Variants in WWC2 observed in about 807,000 individuals in gnomAD.
WWC2 encodes protein WWC2.
A neutral mutation model predicts 138.5 loss-of-function variants in WWC2; 101 were observed. The observed-to-expected ratio is 0.73, with a 90% confidence interval of 0.62 to 0.86. The LOEUF (loss-of-function observed/expected upper bound fraction) is 0.86, where lower values mean the gene tolerates loss of function less well. Among genes scored for constraint, WWC2 ranks in the 40% least tolerant of loss-of-function variants. The pLI, the probability that WWC2 is intolerant of heterozygous loss-of-function variation, is 0.00. For synonymous variants in WWC2, 558 were observed against 538.4 expected, an observed-to-expected ratio of 1.04 and a Z score of -0.50; for missense variants, 1,420 against 1,419.4, an observed-to-expected ratio of 1.00 and a Z score of -0.01.
At chr4:183,100,890 T>A (rs965493260) in intron 1 of WWC2, among the ~76,000 whole-genome samples, 2 of 152,256 alleles carry the variant, frequency 1.3e-5, no homozygotes, top group African/African-American at 4.8e-5. Context: ...CCTGGCTGCC[T>A]GTTGCTGGCC....
chr4:183,285,850 A>AG (rs1224435564), intron 19 of WWC2, 117 bp from the exon 20 acceptor site: 6 of 895,970 alleles, frequency 6.7e-6, no homozygotes, highest in Non-Finnish European at 1.0e-5. Context: ...ATTTTCTTAA[A>AG]GAAATAAACT....
chr4:183,193,505 A>G (rs932618581), intron 1 of WWC2, 94 bp from the exon 2 acceptor site: 5 of 1,052,552 alleles, frequency 4.8e-6, no homozygotes, highest in African/African-American at 1.6e-5. Context: ...AAGATTTTAA[A>G]TGCAACCTAG....
chr4:183,281,678 A>T (rs1247291455), intron 17 of WWC2, among the ~76,000 whole-genome samples: 1 of 152,202 alleles, frequency 6.6e-6, no homozygotes, highest in African/African-American at 2.4e-5. Context: ...ATCATAAATA[A>T]CGCAGTCATG....
chr4:183,215,209 G>A (rs376657686), intron 4 of WWC2, among the ~76,000 whole-genome samples: 3 of 152,140 alleles, frequency 2.0e-5, no homozygotes, highest in Admixed American at 1.3e-4. Flanking sequence ...AACAGTCATC[G>A]CATTATACTT....
At chr4:183,265,842 T>G (rs375449738) in intron 13 of WWC2, 23 bp from the exon 14 acceptor site, 1 of 1,611,160 alleles carries the variant, frequency 6.2e-7, no homozygotes, top group Non-Finnish European at 8.5e-7. Flanking sequence ...ATTCCTGACT[T>G]CATTTAGCCT....
chr4:183,315,537 G>A, intron 22 of WWC2, 126 bp from the exon 23 acceptor site: 1 of 633,116 alleles, frequency 1.6e-6, no homozygotes, highest in South Asian at 2.4e-5. Context: ...TCTGCGTAAG[G>A]AAAAGAGCTT....
At chr4:183,161,449 G>A (rs139654226) in intron 1 of WWC2, among the ~76,000 whole-genome samples, 57 of 152,214 alleles carry the variant, frequency 3.7e-4, no homozygotes, top group African/African-American at 1.3e-3. Context: ...GCATCATAGC[G>A]GGAAGTAACA....
At position 183,147,293 on chromosome 4, in the gene WWC2, G is replaced by A. The variant is rs144209124; in HGVS notation, c.132-46306G>A. ...TCATACTATCTCTATTTTCTATGAG[G>A]CTGTGGCGGCTCAGAGAAGCTAAGT... On this transcript the variant is annotated intron_variant, in intron 1 of 22. Transcript: ENST00000403733. 7.7e-3 allele frequency among the ~76,000 whole-genome samples: 1,170 copies of A among 152,292 alleles called. 6 individuals are homozygous for A. The highest frequency in any genetic ancestry group is 0.012 in the Non-Finnish European group (836 of 68,014).
At chr4:183,281,559 CTGTTA>C (rs1738076257) in intron 17 of WWC2, among the ~76,000 whole-genome samples, 2 of 151,936 alleles carry the variant, frequency 1.3e-5, no homozygotes, top group South Asian at 4.1e-4. Context: ...GTTGTTTATA[CTGTTA>C]TGTTTGGTTG....
At chr4:183,134,349 G>A (rs890039268) in intron 1 of WWC2, among the ~76,000 whole-genome samples, 19 of 151,764 alleles carry the variant, frequency 1.3e-4, no homozygotes, top group Middle Eastern at 6.8e-3. Context: ...TCTTAAAAGG[G>A]ATGCTTAGCA....
intron 4 of WWC2, among the ~76,000 whole-genome samples, chr4:183,230,643 C>T (rs1736216484): frequency 6.6e-6 from 1 of 151,852 alleles, no homozygotes; most frequent in African/African-American, 2.4e-5. Context: ...TGTCATTGCA[C>T]CCAGCCTGGG....
chr4:183,230,494 T>C (rs1736210634), intron 4 of WWC2, among the ~76,000 whole-genome samples: 1 of 152,178 alleles, frequency 6.6e-6, no homozygotes, highest in South Asian at 2.1e-4. Flanking sequence ...CTGACCAATA[T>C]GGTGAAACCC....
chr4:183,271,046 A>AT (rs534749859), intron 15 of WWC2, 34 bp from the exon 16 acceptor site: 1,431 of 1,373,496 alleles, frequency 1.0e-3, no homozygotes, highest in South Asian at 2.8e-3. Context: ...TCTCTTCCTT[A>AT]TTTTTTTTTC....
chr4:183,112,233 G>A (rs1455078807), intron 1 of WWC2, among the ~76,000 whole-genome samples: 4 of 152,200 alleles, frequency 2.6e-5, no homozygotes, highest in African/African-American at 4.8e-5. Context: ...CCTGTAGAAC[G>A]TATGTAGATG....
At chr4:183,235,388 CAG>C (rs1295393510) in intron 4 of WWC2, among the ~76,000 whole-genome samples, 2 of 152,142 alleles carry the variant, frequency 1.3e-5, no homozygotes, top group Non-Finnish European at 2.9e-5. Flanking sequence ...GCCCTCTTAA[CAG>C]AATTTTTAAG....
intron 2 of WWC2, among the ~76,000 whole-genome samples, chr4:183,204,091 A>G (rs1484386074): frequency 2.6e-5 from 4 of 152,228 alleles, no homozygotes; most frequent in African/African-American, 7.2e-5. Context: ...GTGGAGGGAA[A>G]AAAACAGCTG....
Position 183,289,721 on chromosome 4 carries a change from T to A in WWC2, c.3384+86T>A, listed in dbSNP as rs940648902. 1.5e-5 allele frequency: 23 copies of A among 1,535,414 alleles called. No individual in the cohort carries two copies. In the African/African-American group the frequency reaches 2.6e-4, roughly 18 times the overall value. ...GTAGAAGGTACCCAACTTACACTTC[T>A]GTTTTGCGCATAAGTCTTTAGATGT... On this transcript the variant is annotated intron_variant, in intron 21 of 22. Coordinates refer to ENST00000403733, the MANE Select transcript of WWC2 (RefSeq NM_024949.6).
chr4:183,315,629 A>C, intron 22 of WWC2, 34 bp from the exon 23 acceptor site: 1 of 1,569,338 alleles, frequency 6.4e-7, no homozygotes, highest in Non-Finnish European at 8.7e-7. Context: ...TTAGCATCAT[A>C]TATAAGTCAA....
intron 1 of WWC2, among the ~76,000 whole-genome samples, chr4:183,171,342 C>T (rs1734272985): frequency 6.6e-6 from 1 of 151,990 alleles, no homozygotes. Context: ...ACTGGAAGAA[C>T]AAGGTATAAT....
Sources: gnomAD v4.1 joint callset for allele counts (sites outside exome capture counted in the v4.1 genomes callset) on GRCh38, gnomAD v4.1.1 for gene constraint, MANE v1.5 for transcripts, NCBI Gene and HGNC (gene_info 2026-07-23, HGNC 2026-07-21) for gene names.